The following SPON1 variants were observed in gnomAD, a reference collection of about 807,000 sequenced individuals.
SPON1 encodes spondin 1, also known as spondin-1.
In SPON1, 52 loss-of-function variants were observed where a neutral mutation model predicts 111.7. That is an observed-to-expected ratio of 0.47 (90% CI 0.37 to 0.59). The LOEUF (loss-of-function observed/expected upper bound fraction) is 0.59. SPON1 is among the 20% of genes least tolerant of loss of function. The probability of loss-of-function intolerance (pLI) is 0.00; values close to 1 mark genes in which losing one functional copy is unlikely to be tolerated. For missense variants in SPON1, 957 were observed against 1,068.5 expected, an observed-to-expected ratio of 0.90 and a Z score of 1.46; for synonymous variants, 410 against 395.8, an observed-to-expected ratio of 1.04 and a Z score of -0.43.
intron 3 of SPON1, among the ~76,000 whole-genome samples, chr11:14,053,628 T>C (rs1848723750): frequency 1.3e-5 from 2 of 152,232 alleles, no homozygotes; most frequent in Non-Finnish European, 2.9e-5. Flanking sequence ...TATTCCTACA[T>C]TAACTTTTCA....
chr11:14,226,837 G>A (rs553963430), intron 6 of SPON1, among the ~76,000 whole-genome samples: 9 of 152,292 alleles, frequency 5.9e-5, no homozygotes, highest in Non-Finnish European at 7.3e-5. Flanking sequence ...TACAAGCAGC[G>A]CTGGTTCCTT....
rs180956673 is a variant in SPON1 at position 14,250,604 on chromosome 11, T to A, written c.891-3924T>A. Among the ~76,000 whole-genome samples, 259 of 152,314 alleles carry A rather than the reference T, an allele frequency of 1.7e-3. 1 individual carries two copies. Among genetic ancestry groups the A allele is most frequent in the Middle Eastern group, 6.8e-3 (2 of 294 alleles). On this transcript the variant is annotated intron_variant, in intron 7 of 15. Transcript: ENST00000576479. The stretch of plus-strand genomic sequence containing the variant: ...TATCATGCTTTATCATATACTCTGG[T>A]ATATGGTATGGCTAGATCAACTCTC...
At chr11:14,147,129 A>G (rs1847730211) in intron 6 of SPON1, among the ~76,000 whole-genome samples, 1 of 144,762 alleles carries the variant, frequency 6.9e-6, no homozygotes, top group Non-Finnish European at 1.5e-5. Flanking sequence ...TCCCGGGTTC[A>G]AGCAATTCTC....
At chr11:14,136,274 C>G (rs1847591214) in intron 6 of SPON1, among the ~76,000 whole-genome samples, 1 of 152,166 alleles carries the variant, frequency 6.6e-6, no homozygotes, top group Admixed American at 6.5e-5. Context: ...GGCAGTGCAG[C>G]TTTAGCCATC....
chr11:14,233,911 C>T (rs932117310), intron 6 of SPON1, among the ~76,000 whole-genome samples: 2 of 151,902 alleles, frequency 1.3e-5, no homozygotes, highest in African/African-American at 2.4e-5. Flanking sequence ...TACAGGTGCC[C>T]GCCACCATGC....
intron 7 of SPON1, among the ~76,000 whole-genome samples, chr11:14,245,848 G>GGCCT (rs1300666061): frequency 3.3e-5 from 5 of 152,184 alleles, no homozygotes; most frequent in Non-Finnish European, 7.3e-5. Context: ...CACGAGGCAG[G>GGCCT]GCCTACCCAG....
At chr11:14,196,547 G>C (rs1591407376) in intron 6 of SPON1, among the ~76,000 whole-genome samples, 1 of 152,308 alleles carries the variant, frequency 6.6e-6, no homozygotes, top group East Asian at 1.9e-4. Flanking sequence ...ACAGAATAGA[G>C]GGAGGAAAAC....
intron 6 of SPON1, among the ~76,000 whole-genome samples, chr11:14,211,697 TGTA>T (rs1227934641): frequency 6.6e-6 from 1 of 152,222 alleles, no homozygotes; most frequent in African/African-American, 2.4e-5. Flanking sequence ...TATATAGTAA[TGTA>T]GTATATATGA....
At chr11:14,075,216 A>G (rs1489143231) in intron 3 of SPON1, 129 bp from the exon 4 acceptor site, 2 of 662,654 alleles carry the variant, frequency 3.0e-6, no homozygotes, top group East Asian at 5.5e-5. Flanking sequence ...TAATTTTCTC[A>G]TGAAGACAGA....
At chr11:13,977,303 T>C (rs1378770199) in intron 1 of SPON1, among the ~76,000 whole-genome samples, 1 of 152,246 alleles carries the variant, frequency 6.6e-6, no homozygotes, top group Non-Finnish European at 1.5e-5. Flanking sequence ...TTTTCACTTC[T>C]ATCAACAGTG....
chr11:14,234,063 G>T (rs1848834848), intron 6 of SPON1, among the ~76,000 whole-genome samples: 1 of 152,146 alleles, frequency 6.6e-6, no homozygotes, highest in African/African-American at 2.4e-5. Flanking sequence ...CCGACCCCCA[G>T]TGCTGTTTCT....
Position 14,259,465 on chromosome 11 carries a change from CG to C in SPON1, c.1663+18del, listed in dbSNP as rs1564943658. 1.9e-6 allele frequency: 3 copies of C among 1,600,406 alleles called. No individual in the cohort carries two copies. The highest frequency in any genetic ancestry group is 1.7e-6 in the Non-Finnish European group (2 of 1,173,638). The stretch of plus-strand genomic sequence containing the variant: ...CGAGGAGTGCTGTGAGTGGGGGCCC[CG>C]GGCGGGCAGGCGGGCAAGTAGGTCG... On this transcript the variant is annotated intron_variant, in intron 12 of 15. Coordinates refer to ENST00000576479, the MANE Select transcript of SPON1 (RefSeq NM_006108.4). The surrounding 1 kb of genome is among the most constrained non-coding windows in gnomAD (Gnocchi z 5.0).
chr11:14,135,963 T>C lies in SPON1; in HGVS notation c.825+395T>C, dbSNP rs1847586671. On this transcript the variant is annotated intron_variant, in intron 6 of 15. Coordinates refer to ENST00000576479, the MANE Select transcript of SPON1 (RefSeq NM_006108.4). The surrounding 1 kb of genome is among the most constrained non-coding windows in gnomAD (Gnocchi z 4.4). Reference sequence around the variant, plus strand: ...TAAATGTTTGAGTATTGGCACGTGCTTTTTGCAACTATGTCTTGAGGTACT... The same window carrying C: ...TAAATGTTTGAGTATTGGCACGTGCCTTTTGCAACTATGTCTTGAGGTACT... Among the ~76,000 whole-genome samples, 1 of 152,210 alleles carries C rather than the reference T, an allele frequency of 6.6e-6. No individual in the cohort carries two copies. The highest frequency in any genetic ancestry group is 1.5e-5 in the Non-Finnish European group (1 of 68,040).
chr11:13,969,146 G>C (rs1379585302), intron 1 of SPON1, among the ~76,000 whole-genome samples: 3 of 148,736 alleles, frequency 2.0e-5, no homozygotes, highest in Non-Finnish European at 3.0e-5. Flanking sequence ...TTGGGAGGCT[G>C]AGACAGGTGG....
chr11:14,017,551 T>A (rs1554914423), intron 2 of SPON1, among the ~76,000 whole-genome samples: 1 of 152,220 alleles, frequency 6.6e-6, no homozygotes, highest in Non-Finnish European at 1.5e-5. Context: ...TCATTTGAGC[T>A]CTGTGACAGC....
chr11:14,082,447 C>G (rs1848969958), intron 5 of SPON1, among the ~76,000 whole-genome samples: 1 of 152,082 alleles, frequency 6.6e-6, no homozygotes, highest in Non-Finnish European at 1.5e-5. Flanking sequence ...TCTTTCTTTC[C>G]CACTAGACCA....
chr11:14,067,255 C>T (rs1554920440), intron 3 of SPON1, among the ~76,000 whole-genome samples: 3 of 152,182 alleles, frequency 2.0e-5, no homozygotes, highest in Non-Finnish European at 4.4e-5. Flanking sequence ...TGGGACCAGA[C>T]AGAGCCTGAC....
intron 6 of SPON1, among the ~76,000 whole-genome samples, chr11:14,218,556 C>T (rs782626316): frequency 3.9e-5 from 6 of 152,194 alleles, no homozygotes; most frequent in Admixed American, 6.5e-5. Context: ...AATGAAGTGT[C>T]AGCCCCAAAT....
intron 6 of SPON1, among the ~76,000 whole-genome samples, chr11:14,139,452 A>G (rs1292223264): frequency 6.6e-6 from 1 of 152,188 alleles, no homozygotes; most frequent in Non-Finnish European, 1.5e-5. Context: ...ACTAAACAAC[A>G]AGGTTTAAAG....
Sources: gnomAD v4.1 joint callset for allele counts (sites outside exome capture counted in the v4.1 genomes callset) on GRCh38, gnomAD v4.1.1 for gene constraint, Gnocchi (gnomAD v3.1) non-coding constraint, MANE v1.5 for transcripts, NCBI Gene and HGNC (gene_info 2026-07-23, HGNC 2026-07-21) for gene names.